The following TBC1D5 variants were observed in gnomAD, a reference collection of about 807,000 sequenced individuals.
TBC1D5 encodes the protein TBC1 domain family member 5.
A neutral mutation model predicts 100.3 loss-of-function variants in TBC1D5; 75 were observed. The observed-to-expected ratio is 0.75, with a 90% CI of 0.62 to 0.91. The LOEUF is 0.91. Ranked by LOEUF, TBC1D5 falls within the 40% of genes least tolerant of loss-of-function variation. The pLI, the probability that TBC1D5 is intolerant of heterozygous loss-of-function variation, is 0.00. For missense variants in TBC1D5, 910 were observed against 942.4 expected (o/e 0.97, Z 0.45); for synonymous variants, 323 against 325.6 (o/e 0.99, Z 0.09).
chr3:17,618,431 C>T (rs1038396324), intron 2 of TBC1D5, among the ~76,000 whole-genome samples: 4 of 152,378 alleles, frequency 2.6e-5, no homozygotes, highest in Admixed American at 2.0e-4. Context: ...CTGCTCTCTT[C>T]AGAGCTGTTA....
chr3:17,167,041 TATGA>T, intron 20 of TBC1D5, 113 bp from the exon 22 acceptor site: 1 of 989,936 alleles, frequency 1.0e-6, no homozygotes. Flanking sequence ...TTTTTTATAG[TATGA>T]ATATTAATAT....
chr3:17,600,884 C>T (rs117408000), intron 2 of TBC1D5, among the ~76,000 whole-genome samples: 2,511 of 152,122 alleles, frequency 0.017, 52 homozygotes, highest in South Asian at 0.048. Context: ...TGAAATATTT[C>T]GTGTTTGTCT....
chr3:17,449,882 T>C (rs1194393479), intron 3 of TBC1D5, among the ~76,000 whole-genome samples: 3 of 152,194 alleles, frequency 2.0e-5, no homozygotes, highest in Admixed American at 2.0e-4. Flanking sequence ...CAAGCTCTGC[T>C]AAGGGACAGA....
At chr3:17,724,968 T>C (rs755165705) in intron 1 of TBC1D5, among the ~76,000 whole-genome samples, 2 of 152,330 alleles carry the variant, frequency 1.3e-5, no homozygotes, top group Admixed American at 6.5e-5. Flanking sequence ...CATTTTTCAC[T>C]TGTAGAGGCT....
intron 3 of TBC1D5, among the ~76,000 whole-genome samples, chr3:17,495,702 CTATTAGTAAATTCT>C (rs1424719656): frequency 6.6e-6 from 1 of 152,150 alleles, no homozygotes. Flanking sequence ...TTTTCATAGG[CTATTAGTAAATTCT>C]TAGGTCAGAA....
chr3:17,644,843 T>C (rs2064868766), intron 1 of TBC1D5, among the ~76,000 whole-genome samples: 2 of 152,092 alleles, frequency 1.3e-5, no homozygotes, highest in Admixed American at 6.6e-5. Flanking sequence ...CAAATTACTG[T>C]CATGATTAGT....
intron 2 of TBC1D5, among the ~76,000 whole-genome samples, chr3:17,534,908 T>C (rs2096267974): frequency 6.6e-6 from 1 of 152,194 alleles, no homozygotes; most frequent in South Asian, 2.1e-4. Flanking sequence ...GTTGTTTTAA[T>C]GACTTTTCTT....
chr3:17,731,046 C>T (rs888648193), intron 1 of TBC1D5, among the ~76,000 whole-genome samples: 1 of 152,076 alleles, frequency 6.6e-6, no homozygotes, highest in African/African-American at 2.4e-5. Flanking sequence ...CTTCCTGGAA[C>T]AGAGTGGCAT....
At chr3:17,574,262 G>C (rs923449153) in intron 2 of TBC1D5, among the ~76,000 whole-genome samples, 28 of 151,884 alleles carry the variant, frequency 1.8e-4, no homozygotes, top group Middle Eastern at 3.2e-3. Context: ...TCCTTCCATT[G>C]CCTCCAAATT....
At chr3:17,641,891 C>CTATATATATA (rs1323669145) in intron 1 of TBC1D5, among the ~76,000 whole-genome samples, 3 of 152,012 alleles carry the variant, frequency 2.0e-5, no homozygotes, top group Non-Finnish European at 4.4e-5. Context: ...TAAATGCAGA[C>CTATATATATA]TAATGACTTT....
chr3:17,707,193 A>C (rs916817101), intron 1 of TBC1D5, among the ~76,000 whole-genome samples: 1 of 152,114 alleles, frequency 6.6e-6, no homozygotes, highest in Non-Finnish European at 1.5e-5. Context: ...ACTTATTTTT[A>C]TAACACTTTA....
intron 2 of TBC1D5, among the ~76,000 whole-genome samples, chr3:17,611,230 C>T (rs549699183): frequency 1.8e-4 from 28 of 152,112 alleles, no homozygotes; most frequent in South Asian, 4.1e-4. Flanking sequence ...GTGACTTTGA[C>T]ATCTCAAAGT....
At chr3:17,182,676 C>T (rs2068580002) in intron 19 of TBC1D5, among the ~76,000 whole-genome samples, 1 of 152,150 alleles carries the variant, frequency 6.6e-6, no homozygotes, top group Non-Finnish European at 1.5e-5. Flanking sequence ...AAAAACTATA[C>T]ATTCATTTTA....
At chr3:17,695,893 A>G (rs2071984197) in intron 1 of TBC1D5, among the ~76,000 whole-genome samples, 1 of 152,210 alleles carries the variant, frequency 6.6e-6, no homozygotes, top group African/African-American at 2.4e-5. Flanking sequence ...ATCACAACAA[A>G]CTGTCTCTCA....
At chr3:17,434,197 A>T (rs1380002499) in intron 3 of TBC1D5, among the ~76,000 whole-genome samples, 1 of 152,182 alleles carries the variant, frequency 6.6e-6, no homozygotes, top group African/African-American at 2.4e-5. Flanking sequence ...TCCACTAGGC[A>T]ATGCCCCAGT....
chr3:17,531,640 C>T (rs1302004905), intron 2 of TBC1D5, among the ~76,000 whole-genome samples: 9 of 152,218 alleles, frequency 5.9e-5, no homozygotes, highest in East Asian at 3.9e-4. Context: ...AACAGAGATA[C>T]AGACCAATGG....
At chr3:17,663,746 G>C (rs1480978432) in intron 1 of TBC1D5, among the ~76,000 whole-genome samples, 1 of 152,100 alleles carries the variant, frequency 6.6e-6, no homozygotes, top group African/African-American at 2.4e-5. Flanking sequence ...AAAGTAGTTT[G>C]ACTGTAGTAG....
chr3:17,704,067 G>A (rs986561129), intron 1 of TBC1D5, among the ~76,000 whole-genome samples: 5 of 142,854 alleles, frequency 3.5e-5, no homozygotes, highest in Admixed American at 1.4e-4. Context: ...AGGACCCTGC[G>A]GCCTTCCGCA....
intron 1 of TBC1D5, among the ~76,000 whole-genome samples, chr3:17,704,172 C>T (rs1300140343): frequency 1.4e-5 from 2 of 139,718 alleles, no homozygotes; most frequent in African/African-American, 5.3e-5. Flanking sequence ...GCACATCTTG[C>T]ACCGCCCTTA....
Sources: gnomAD v4.1 joint callset for allele counts (sites outside exome capture counted in the v4.1 genomes callset) on GRCh38, gnomAD v4.1.1 for gene constraint, MANE v1.5 for transcripts, NCBI Gene and HGNC (gene_info 2026-07-23, HGNC 2026-07-21) for gene names.